WHRN: variants seen among roughly 807,000 people sequenced by gnomAD.
WHRN encodes the protein whirlin, also known as CASK-interacting protein CIP98.
A neutral mutation model predicts 68.3 loss-of-function variants in WHRN; 41 were observed. The ratio of observed to expected loss-of-function variants is 0.60; its 90% CI spans 0.47 to 0.78. The LOEUF (loss-of-function observed/expected upper bound fraction) is 0.78, where lower values mean the gene tolerates loss of function less well. Ranked by LOEUF, WHRN falls within the 30% of genes least tolerant of loss-of-function variation. WHRN has a pLI of 0.00. For missense variants in WHRN, 1,243 were observed against 1,244.7 expected, an observed-to-expected ratio of 1.00 and a Z score of 0.02; for synonymous variants, 560 against 561.3, an observed-to-expected ratio of 1.00 and a Z score of 0.03.
chr9:114,455,163 T>C (rs17371434), intron 3 of WHRN, among the ~76,000 whole-genome samples: 2,290 of 66,554 alleles, frequency 0.034, 29 homozygotes, highest in Middle Eastern at 0.097. Flanking sequence ...TAATAAAAGA[T>C]TGACAAAATA....
intron 1 of WHRN, among the ~76,000 whole-genome samples, chr9:114,496,307 G>C (rs916386166): frequency 6.6e-6 from 1 of 152,118 alleles, no homozygotes; most frequent in Admixed American, 6.6e-5. Context: ...AGGGACGGTG[G>C]GGGGACACAG....
chr9:114,422,120 C>G (rs991760990), intron 7 of WHRN, among the ~76,000 whole-genome samples: 1 of 152,192 alleles, frequency 6.6e-6, no homozygotes, highest in Non-Finnish European at 1.5e-5. Flanking sequence ...GCCATCACTG[C>G]ACACCTCTGA....
At chr9:114,434,114 C>G (rs777143187) in intron 3 of WHRN, among the ~76,000 whole-genome samples, 1 of 136,716 alleles carries the variant, frequency 7.3e-6, no homozygotes, top group Non-Finnish European at 1.6e-5. Flanking sequence ...TTACAGAGGT[C>G]AAACACAGAA....
At position 114,412,004 on chromosome 9, in the gene WHRN, T is replaced by A. The variant is rs549783451; in HGVS notation, c.1627-3986A>T. The stretch of plus-strand genomic sequence containing the variant: ...TGTCCTCAGCCTCATTCCCTGCTAC[T>A]AACTGCATCCTGGGGACATGGCAGG... On this transcript the variant is annotated intron_variant, in intron 7 of 11. Coordinates refer to ENST00000362057, the MANE Select transcript of WHRN (RefSeq NM_015404.4). Among the ~76,000 whole-genome samples the A allele has an allele frequency of 3.9e-5, 6 of 152,240 alleles. No individual in the cohort carries two copies. In the South Asian group the frequency reaches 1.2e-3, roughly 32 times the overall value.
chr9:114,426,092 G>A, intron 4 of WHRN, 119 bp downstream of exon 4: 8 of 1,317,552 alleles, frequency 6.1e-6, no homozygotes, highest in Admixed American at 5.4e-5. Context: ...GGAGGGCCCT[G>A]GTGTGGGGAC....
At chr9:114,431,565 C>T (rs948921761) in intron 3 of WHRN, among the ~76,000 whole-genome samples, 8 of 152,344 alleles carry the variant, frequency 5.3e-5, no homozygotes, top group African/African-American at 1.9e-4. Context: ...GGCCTTCCTC[C>T]TCTCTTGTTC....
At chr9:114,492,516 A>G (rs574946640) in intron 1 of WHRN, among the ~76,000 whole-genome samples, 43 of 152,356 alleles carry the variant, frequency 2.8e-4, no homozygotes, top group African/African-American at 9.4e-4. Flanking sequence ...CGAATAGGCT[A>G]GATAACGATG....
At chr9:114,450,087 G>A (rs1839189786) in intron 3 of WHRN, among the ~76,000 whole-genome samples, 1 of 152,026 alleles carries the variant, frequency 6.6e-6, no homozygotes, top group Non-Finnish European at 1.5e-5. Context: ...GCACCTCAGG[G>A]ATAGGCACTC....
intron 3 of WHRN, among the ~76,000 whole-genome samples, chr9:114,443,336 C>T (rs1348184073): frequency 6.6e-6 from 1 of 152,212 alleles, no homozygotes; most frequent in East Asian, 1.9e-4. Context: ...GGGCTAAAAT[C>T]AAGATGTCAG....
chr9:114,420,087 G>A (rs1263840477), intron 7 of WHRN, among the ~76,000 whole-genome samples: 1 of 152,222 alleles, frequency 6.6e-6, no homozygotes, highest in Non-Finnish European at 1.5e-5. Flanking sequence ...GGAAGGATGA[G>A]CAAAAGGCAA....
chr9:114,422,522 G>A (rs976779214), intron 7 of WHRN, among the ~76,000 whole-genome samples: 11 of 152,304 alleles, frequency 7.2e-5, no homozygotes, highest in African/African-American at 2.4e-4. Context: ...TTGCTGGGGG[G>A]CTGGTGAGTC....
chr9:114,437,390 T>C (rs192974502), intron 3 of WHRN, among the ~76,000 whole-genome samples: 4 of 152,286 alleles, frequency 2.6e-5, no homozygotes, highest in African/African-American at 7.2e-5. Flanking sequence ...GATTAATAAT[T>C]AAATTAGATT....
At chr9:114,406,950 G>A in intron 8 of WHRN, 58 bp from the exon 9 acceptor site, 8 of 1,544,088 alleles carry the variant, frequency 5.2e-6, no homozygotes, top group Admixed American at 3.9e-5. Context: ...CTGGAAGAGG[G>A]GAGGCCGAGC....
intron 1 of WHRN, among the ~76,000 whole-genome samples, chr9:114,479,553 C>T (rs150140714): frequency 2.0e-5 from 3 of 152,290 alleles, no homozygotes; most frequent in Non-Finnish European, 4.4e-5. Flanking sequence ...GATAAAATAC[C>T]AAGCACAGAG....
At chr9:114,467,273 T>A (rs1840791087) in intron 2 of WHRN, among the ~76,000 whole-genome samples, 1 of 152,090 alleles carries the variant, frequency 6.6e-6, no homozygotes, top group Non-Finnish European at 1.5e-5. Flanking sequence ...ACCCACTAAA[T>A]GCAGTCCCGG....
At chr9:114,479,028 A>G (rs543641318) in intron 1 of WHRN, among the ~76,000 whole-genome samples, 2 of 152,210 alleles carry the variant, frequency 1.3e-5, no homozygotes, top group African/African-American at 4.8e-5. Context: ...TTTGCATTGC[A>G]GGCCTGACAC....
intron 1 of WHRN, among the ~76,000 whole-genome samples, chr9:114,499,594 T>G (rs1843746007): frequency 6.6e-6 from 1 of 152,302 alleles, no homozygotes; most frequent in East Asian, 1.9e-4. Context: ...CCTGCTTCGG[T>G]GCAAAGCCCT....
intron 7 of WHRN, among the ~76,000 whole-genome samples, chr9:114,417,917 G>T (rs1835938851): frequency 6.6e-6 from 1 of 152,196 alleles, no homozygotes; most frequent in Non-Finnish European, 1.5e-5. Context: ...GGAGCCATGG[G>T]GGTCTTCCGT....
At chr9:114,437,073 T>C (rs1393976846) in intron 3 of WHRN, among the ~76,000 whole-genome samples, 1 of 152,122 alleles carries the variant, frequency 6.6e-6, no homozygotes, top group Admixed American at 6.5e-5. Flanking sequence ...CACTGACTCA[T>C]GAGTAGACAG....
Sources: gnomAD v4.1 joint callset for allele counts (sites outside exome capture counted in the v4.1 genomes callset) on GRCh38, gnomAD v4.1.1 for gene constraint, MANE v1.5 for transcripts, NCBI Gene and HGNC (gene_info 2026-07-23, HGNC 2026-07-21) for gene names.